The following COG2 variants were observed in gnomAD, a reference collection of about 807,000 sequenced individuals.
COG2 encodes component of oligomeric golgi complex 2, also known as conserved oligomeric Golgi complex subunit 2.
A neutral mutation model predicts 90.6 loss-of-function variants in COG2; 52 were observed. The observed-to-expected ratio is 0.57, with a 90% CI of 0.46 to 0.72. The LOEUF (loss-of-function observed/expected upper bound fraction) is 0.72. Among genes scored for constraint, COG2 ranks in the 30% least tolerant of loss-of-function variants. COG2 has a pLI of 0.00. For synonymous variants in COG2, 337 were observed against 320.4 expected (o/e 1.05, Z -0.55); for missense variants, 829 against 891.2 (o/e 0.93, Z 0.89).
At chr1:230,657,328 T>G (rs1409567344) in intron 1 of COG2, among the ~76,000 whole-genome samples, 1 of 152,216 alleles carries the variant, frequency 6.6e-6, no homozygotes, top group Non-Finnish European at 1.5e-5. Context: ...CTTATGAAGC[T>G]TAGTTTGGCT....
At chr1:230,673,703 G>A (rs1281734813) in intron 8 of COG2, among the ~76,000 whole-genome samples, 1 of 152,152 alleles carries the variant, frequency 6.6e-6, no homozygotes, top group Non-Finnish European at 1.5e-5. Flanking sequence ...AATATGATGT[G>A]TGGAATTGGA....
At position 230,691,391 on chromosome 1, in the gene COG2, G is replaced by A. The variant is rs138359296; in HGVS notation, c.1942G>A (p.Glu648Lys). ...TLSESTHKYY[E>K]TVSDVLNSVK... ...ACGTGTCTTCTATTCAAGGTACTAT[G>A]AAACCGTGTCAGATGTATTAAACTC... is the stretch of plus-strand genomic sequence containing the variant. The change falls in exon 17 of 18, where the codon GAA (glutamate) becomes AAA (lysine). Residue 648 changes from glutamate (E) to lysine (K), a missense_variant. Transcript: ENST00000366669. 6 of 1,611,750 alleles carry A rather than the reference G, an allele frequency of 3.7e-6. No individual in the cohort carries two copies. The highest frequency in any genetic ancestry group is 5.1e-6 in the Non-Finnish European group (6 of 1,179,122).
intron 1 of COG2, among the ~76,000 whole-genome samples, chr1:230,647,995 A>C (rs952222277): frequency 1.3e-5 from 2 of 152,250 alleles, no homozygotes; most frequent in Non-Finnish European, 2.9e-5. Flanking sequence ...AGAGTCACAC[A>C]GCTAACTGGG....
intron 9 of COG2, chr1:230,678,020 G>GT (rs1662641427): frequency 1.0e-6 from 1 of 985,350 alleles, no homozygotes; most frequent in African/African-American, 1.7e-5. Flanking sequence ...AAAGCCTGTA[G>GT]TTTTTACTAC....
chr1:230,693,830 ACTC>A lies in COG2; in HGVS notation c.*440_*442del, dbSNP rs1040295939. ...AATGCCCTTCTCTGAAATAAAGAGA[ACTC>A]CTGGGCTTTCTAAAGAGGCTGCGGG... On this transcript the variant is annotated 3_prime_UTR_variant, in exon 18 of 18. Coordinates refer to ENST00000366669, the MANE Select transcript of COG2 (RefSeq NM_007357.3). 2 of 152,100 alleles carry A rather than the reference ACTC, an allele frequency of 1.3e-5. No homozygotes were observed. The highest frequency in any genetic ancestry group is 4.8e-5 in the African/African-American group (2 of 41,274). 9.4% of individuals were successfully genotyped at this position (152,100 alleles called of 1,614,324 possible).
chr1:230,662,926 T>C (rs113521860), intron 3 of COG2, among the ~76,000 whole-genome samples: 181 of 152,294 alleles, frequency 1.2e-3, no homozygotes, highest in African/African-American at 4.2e-3. Context: ...TTAATTTTCT[T>C]TTGGCAGCCA....
chr1:230,652,598 T>G (rs1661939615), intron 1 of COG2, among the ~76,000 whole-genome samples: 1 of 152,226 alleles, frequency 6.6e-6, no homozygotes, highest in Non-Finnish European at 1.5e-5. Flanking sequence ...TCTGTTTAGT[T>G]TTGTAAGAAA....
Position 230,664,345 on chromosome 1 carries a change from A to G in COG2, c.382-139A>G, listed in dbSNP as rs911926790. 3.9e-5 allele frequency: 16 copies of G among 409,012 alleles called. 1 individual carries two copies. The highest frequency in any genetic ancestry group is 1.3e-3 in the Middle Eastern group (2 of 1,560). 25.3% of individuals were successfully genotyped at this position (409,012 alleles called of 1,614,324 possible). ...CATTCTTGGGAATTTTGTGTTATGT[A>G]GAAATACTAAAAATATAGAATGCTA... On this transcript the variant is annotated intron_variant, in intron 4 of 17. Transcript: ENST00000366669.
chr1:230,688,014 C>T (rs1466180286), intron 13 of COG2, 57 bp from the exon 14 acceptor site: 2 of 1,193,696 alleles, frequency 1.7e-6, no homozygotes, highest in African/African-American at 3.1e-5. Flanking sequence ...AATAGAATTG[C>T]CTCTTCCTTT....
At position 230,691,474 on chromosome 1, in the gene COG2, C is replaced by G. The variant is rs775728088; in HGVS notation, c.2025C>G (p.Pro675=). ...KRLKQARKTT[P]ANPVGPSGGM... is the part of the protein sequence containing the mutation. ...TGAAACAAGCCAGAAAAACCACTCC[C>G]GCCAACCCCGTCGGTCCCAGTGGTG... The change falls in exon 17 of 18, where the codon CCC becomes CCG. Residue 675 remains proline, a synonymous_variant. Coordinates refer to ENST00000366669, the MANE Select transcript of COG2 (RefSeq NM_007357.3). 1.2e-6 allele frequency: 2 copies of G among 1,614,104 alleles called. No homozygotes were observed. Among genetic ancestry groups the G allele is most frequent in the South Asian group, 1.1e-5 (1 of 91,068 alleles).
chr1:230,642,664 G>A lies in COG2; in HGVS notation c.58G>A (p.Asp20Asn). ...KGPDTLCFDK[D>N]EFMKEDFDVD... ...GCCGGACACGCTCTGCTTCGACAAGGACGAGTTCATGAAGGTGCGCGCGGC... is the reference window on the plus strand; with the variant it reads ...GCCGGACACGCTCTGCTTCGACAAGAACGAGTTCATGAAGGTGCGCGCGGC... Residue 20 changes from aspartate to asparagine, a missense_variant, in exon 1 of 18, where the codon GAC becomes AAC. Coordinates refer to ENST00000366669, the MANE Select transcript of COG2 (RefSeq NM_007357.3). The A allele has an allele frequency of 2.5e-6, 4 of 1,613,044 alleles. No homozygotes were observed. The highest frequency in any genetic ancestry group is 3.4e-6 in the Non-Finnish European group (4 of 1,179,608).
intron 1 of COG2, among the ~76,000 whole-genome samples, chr1:230,653,708 C>T (rs368166854): frequency 4.6e-5 from 7 of 152,156 alleles, no homozygotes; most frequent in East Asian, 3.9e-4. Context: ...TTATGTGGCT[C>T]ACAGTTTTGG....
chr1:230,687,895 C>A (rs538140096), intron 13 of COG2, 176 bp from the exon 14 acceptor site: 16 of 555,680 alleles, frequency 2.9e-5, no homozygotes, highest in African/African-American at 2.6e-4. Flanking sequence ...TTGTTGAAAT[C>A]TTTTTATAGT....
At chr1:230,645,233 CAAAAAAAAAAA>C (rs57806034) in intron 1 of COG2, among the ~76,000 whole-genome samples, 2 of 91,062 alleles carry the variant, frequency 2.2e-5, no homozygotes, top group African/African-American at 4.2e-5. Flanking sequence ...GAGACCCTGT[CAAAAAAAAAAA>C]AAAAAAAAAA....
At chr1:230,691,636 G>T (rs1316100839) in intron 17 of COG2, 72 bp downstream of exon 17, 13 of 1,397,764 alleles carry the variant, frequency 9.3e-6, no homozygotes, top group South Asian at 2.6e-5. Context: ...TTACTTGGTG[G>T]CTCGCGTGAT....
Position 230,642,533 on chromosome 1 carries a change from C to CGCGGG in COG2, c.-74_-73insGCGGG. On this transcript the variant is annotated 5_prime_UTR_variant, in exon 1 of 18. An upstream open reading frame in the 5' UTR loses its in-frame stop. Transcript: ENST00000366669. ...CCGTGGAAACTGGCGGTGGCCGCGG[C>CGCGGG]CGCCGAGTCGGTCTGCGCAGCCTCC... 6.8e-7 allele frequency: 1 copy of CGCGGG among 1,473,060 alleles called. No individual in the cohort carries two copies. The highest frequency in any genetic ancestry group is 9.3e-7 in the Non-Finnish European group (1 of 1,077,184). The allele number at this position is 1,473,060 out of a possible 1,614,324, so 91.2% of individuals were successfully genotyped here. A position where few individuals can be genotyped will look rare whatever the true frequency, so the allele number is the denominator to read the frequency against.
At position 230,671,554 on chromosome 1, in the gene COG2, C is replaced by G. The variant is rs747620786; in HGVS notation, c.813C>G (p.Gly271=). Residue 271 remains glycine, a synonymous_variant, in exon 8 of 18, where the codon GGC becomes GGG. Coordinates refer to ENST00000366669, the MANE Select transcript of COG2 (RefSeq NM_007357.3). ...AGTTTGTTGAATCTCATCCCAATGGCCTTCAGGTCATGTATAATAAACTCC... is the reference window on the plus strand; with the variant it reads ...AGTTTGTTGAATCTCATCCCAATGGGCTTCAGGTCATGTATAATAAACTCC... The part of the protein sequence containing the change: ...IEQFVESHPN[G]LQVMYNKLLE... 2 of 1,613,314 alleles carry G rather than the reference C, an allele frequency of 1.2e-6. No individual in the cohort carries two copies. Among genetic ancestry groups the G allele is most frequent in the East Asian group, 4.5e-5 (2 of 44,874 alleles).
rs1224854971 is a variant in COG2, at chr1:230,688,321, T to A, written c.1652-99T>A. On this transcript the variant is annotated intron_variant, in intron 14 of 17. Transcript: ENST00000366669. ...TTTTATTTAATTCATTTGATCTGATTTATTATAGTACACAATGTAAATGCT... is the reference window on the plus strand; with the variant it reads ...TTTTATTTAATTCATTTGATCTGATATATTATAGTACACAATGTAAATGCT... The A allele has an allele frequency of 2.1e-6, 3 of 1,434,080 alleles. No individual in the cohort carries two copies. In the Admixed American group the frequency reaches 5.9e-5, roughly 28 times the overall value. The allele number at this position is 1,434,080 out of a possible 1,614,324, so 88.8% of individuals were successfully genotyped here.
chr1:230,664,631 T>A (rs376850318), intron 5 of COG2, 44 bp downstream of exon 5: 11 of 1,004,570 alleles, frequency 1.1e-5, no homozygotes, highest in African/African-American at 1.7e-5. Context: ...ATACTTCACA[T>A]CCAGAGTAAA....
Sources: gnomAD v4.1 joint callset for allele counts (sites outside exome capture counted in the v4.1 genomes callset) on GRCh38, gnomAD v4.1.1 for gene constraint, MANE v1.5 for transcripts, NCBI Gene and HGNC (gene_info 2026-07-23, HGNC 2026-07-21) for gene names.